PTX3: variants seen among roughly 807,000 people sequenced by gnomAD.
PTX3 encodes pentraxin-related protein PTX3.
Under a neutral mutation model 23.5 loss-of-function variants are expected in PTX3, and 24 were observed. The ratio of observed to expected loss-of-function variants is 1.02; its 90% confidence interval spans 0.74 to 1.43. The LOEUF (loss-of-function observed/expected upper bound fraction) is 1.43. Ranked by LOEUF, PTX3 falls within the 40% of genes most tolerant of loss-of-function variation. The probability of loss-of-function intolerance (pLI) is 0.00; values close to 1 mark genes in which losing one functional copy is unlikely to be tolerated. For synonymous variants in PTX3, 218 were observed against 205.4 expected (o/e 1.06, Z -0.53); for missense variants, 510 against 497.5 (o/e 1.02, Z -0.24).
intron 2 of PTX3, 108 bp downstream of exon 2, chr3:157,438,022 C>A (rs1175126912): frequency 2.9e-6 from 2 of 679,840 alleles, no homozygotes; most frequent in East Asian, 3.9e-5. Context: ...TCATGGGAAG[C>A]GCGCGCGCGC....
Position 157,437,929 on chromosome 3 carries a change from G to C in PTX3, c.532+15G>C. The C allele has an allele frequency of 6.5e-7, 1 of 1,528,610 alleles. No individual in the cohort carries two copies. Among genetic ancestry groups the C allele is most frequent in the Non-Finnish European group, 8.7e-7 (1 of 1,145,594 alleles). 94.7% of individuals were successfully genotyped at this position (1,528,610 alleles called of 1,614,324 possible). A position where few individuals can be genotyped will look rare whatever the true frequency, so the allele number is the denominator to read the frequency against. ...GCTGCCGGCAGGTAAGGAGGCAAGCGGGGCCGGGACCTCCCACTGCGGCTT... is the reference window on the plus strand; with the variant it reads ...GCTGCCGGCAGGTAAGGAGGCAAGCCGGGCCGGGACCTCCCACTGCGGCTT... On this transcript the variant is annotated intron_variant, in intron 2 of 2. Coordinates refer to ENST00000295927, the MANE Select transcript of PTX3 (RefSeq NM_002852.4).
Position 157,442,577 on chromosome 3 carries a change from G to T in PTX3, c.744G>T (p.Val248=). The T allele has an allele frequency of 6.2e-7, 1 of 1,614,198 alleles. No individual in the cohort carries two copies. Among genetic ancestry groups the T allele is most frequent in the Non-Finnish European group, 8.5e-7 (1 of 1,180,034 alleles). The change falls in exon 3 of 3, where the codon GTG becomes GTT. Residue 248 remains valine (V), a synonymous_variant. Transcript: ENST00000295927. ...LYLSYQSIVF[V]VGGEENKLVA... is the part of the protein sequence containing the mutation. Reference sequence around the variant, plus strand: ...TCAGCTACCAATCCATAGTGTTTGTGGTGGGTGGAGAGGAGAACAAACTGG... The same window carrying T: ...TCAGCTACCAATCCATAGTGTTTGTTGTGGGTGGAGAGGAGAACAAACTGG...
intron 2 of PTX3, 121 bp downstream of exon 2, chr3:157,438,035 G>GCTCACACA: frequency 1.4e-6 from 1 of 701,790 alleles, no homozygotes. Flanking sequence ...GCGCGCGCGC[G>GCTCACACA]CGCACACACA....
chr3:157,441,459 A>G (rs556588757), intron 2 of PTX3, among the ~76,000 whole-genome samples: 3 of 152,316 alleles, frequency 2.0e-5, no homozygotes, highest in Admixed American at 1.3e-4. Context: ...TTTCAAAGGT[A>G]GTTTTCTAAA....
intron 2 of PTX3, among the ~76,000 whole-genome samples, chr3:157,439,229 G>A (rs894088054): frequency 6.6e-6 from 1 of 152,132 alleles, no homozygotes; most frequent in Non-Finnish European, 1.5e-5. Flanking sequence ...TACATATAAT[G>A]CACCTGAAAA....
chr3:157,441,889 A>G (rs186190175), intron 2 of PTX3, among the ~76,000 whole-genome samples: 1 of 152,304 alleles, frequency 6.6e-6, no homozygotes, highest in East Asian at 1.9e-4. Flanking sequence ...TAAAGGCTAA[A>G]TGGAGCGAAC....
In PTX3 at chr3:157,437,079, C is replaced by G. The variant is rs1322706845; in HGVS notation, c.130+16C>G. On this transcript the variant is annotated intron_variant, in intron 1 of 2. Transcript: ENST00000295927. ...ACTGAGGACCGTAAGTTCACTTTAACTGTTTCTCTGCTAACCCTGACTACA... is the reference window on the plus strand; with the variant it reads ...ACTGAGGACCGTAAGTTCACTTTAAGTGTTTCTCTGCTAACCCTGACTACA... The G allele has an allele frequency of 6.2e-7, 1 of 1,612,488 alleles. No homozygotes were observed. The highest frequency in any genetic ancestry group is 1.7e-5 in the Admixed American group (1 of 59,990).
At chr3:157,438,058 C>G in intron 2 of PTX3, 144 bp downstream of exon 2, 1 of 755,070 alleles carries the variant, frequency 1.3e-6, no homozygotes, top group South Asian at 1.7e-5. Context: ...CACACACACA[C>G]ACACACACAC....
rs1025792048 is a variant in PTX3 at position 157,437,716 on chromosome 3, A to T, written c.334A>T (p.Arg112Trp). 2 of 1,530,490 alleles carry T rather than the reference A, an allele frequency of 1.3e-6. No individual in the cohort carries two copies. The highest frequency in any genetic ancestry group is 1.7e-6 in the Non-Finnish European group (2 of 1,144,048). The allele number at this position is 1,530,490 out of a possible 1,614,324, so 94.8% of individuals were successfully genotyped here. ...PCAPGAPAEA[R>W]LTSALDELLQ... ...CGCGCCGGGGGCTCCCGCAGAGGCCAGGCTGACCAGTGCTCTGGACGAGCT... is the reference window on the plus strand; with the variant it reads ...CGCGCCGGGGGCTCCCGCAGAGGCCTGGCTGACCAGTGCTCTGGACGAGCT... Residue 112 changes from arginine to tryptophan, a missense_variant, in exon 2 of 3, where the codon AGG becomes TGG. Physicochemically the swap from Arg to Trp is moderately radical, Grantham distance 101 (BLOSUM62 -3). Coordinates refer to ENST00000295927, the MANE Select transcript of PTX3 (RefSeq NM_002852.4).
At chr3:157,439,748 T>C (rs1438763327) in intron 2 of PTX3, among the ~76,000 whole-genome samples, 1 of 152,106 alleles carries the variant, frequency 6.6e-6, no homozygotes, top group African/African-American at 2.4e-5. Flanking sequence ...TCTTGAACAC[T>C]ACTTTTTTGT....
At position 157,442,664 on chromosome 3, in the gene PTX3, G is replaced by A; in HGVS notation, c.831G>A (p.Glu277=). The change falls in exon 3 of 3, where the codon GAG becomes GAA. Residue 277 remains glutamate (E), a synonymous_variant. Transcript: ENST00000295927. ...ACCTGTGCGGCACCTGGAATTCAGAGGAAGGGCTCACATCCTTGTGGGTAA... is the reference window on the plus strand; with the variant it reads ...ACCTGTGCGGCACCTGGAATTCAGAAGAAGGGCTCACATCCTTGTGGGTAA... ...WTHLCGTWNS[E]EGLTSLWVNG... is the part of the protein sequence containing the mutation. The A allele has an allele frequency of 6.2e-7, 1 of 1,614,226 alleles. No homozygotes were observed. The highest frequency in any genetic ancestry group is 1.3e-5 in the African/African-American group (1 of 75,046).
rs1163414472 is a variant in PTX3 at position 157,438,035 on chromosome 3, GCGCA to G, written c.532+123_532+126del. 2.7e-4 allele frequency: 189 copies of G among 701,522 alleles called. No individual in the cohort carries two copies. In the East Asian group the frequency reaches 2.7e-3, roughly 10 times the overall value. 43.5% of individuals were successfully genotyped at this position (701,522 alleles called of 1,614,324 possible). A position where few individuals can be genotyped will look rare whatever the true frequency, so the allele number is the denominator to read the frequency against. On this transcript the variant is annotated intron_variant, in intron 2 of 2. Transcript: ENST00000295927. ...TTTCATGGGAAGCGCGCGCGCGCGCGCGCACACACACACACACACACACACACAC... is the reference window on the plus strand; with the variant it reads ...TTTCATGGGAAGCGCGCGCGCGCGCGCACACACACACACACACACACACAC...
Position 157,436,919 on chromosome 3 carries a change from T to C in PTX3, c.-15T>C, listed in dbSNP as rs759359298. The C allele has an allele frequency of 1.2e-6, 2 of 1,611,054 alleles. No individual in the cohort carries two copies. Among genetic ancestry groups the C allele is most frequent in the Non-Finnish European group, 1.7e-6 (2 of 1,178,146 alleles). The stretch of plus-strand genomic sequence containing the variant: ...CTCCCGCCAGCTGTGGAAAGAACTT[T>C]GCGTCTCTCCAGCAATGCATCTCCT... On this transcript the variant is annotated 5_prime_UTR_variant, in exon 1 of 3. Transcript: ENST00000295927.
rs557157780 is a variant in PTX3 at position 157,443,108 on chromosome 3, A to G, written c.*129A>G. 2.2e-5 allele frequency: 25 copies of G among 1,129,190 alleles called. No homozygotes were observed. Among genetic ancestry groups the G allele is most frequent in the Non-Finnish European group, 3.0e-5 (24 of 811,104 alleles). 69.9% of individuals were successfully genotyped at this position (1,129,190 alleles called of 1,614,324 possible). On this transcript the variant is annotated 3_prime_UTR_variant, in exon 3 of 3. Transcript: ENST00000295927. ...CTAATGAAAGAGAGAGTTGAGACCA[A>G]TCTTTATTTGTACTGGCCAAATACT...
chr3:157,440,257 G>A (rs943371114), intron 2 of PTX3, among the ~76,000 whole-genome samples: 3 of 152,184 alleles, frequency 2.0e-5, no homozygotes, highest in Non-Finnish European at 4.4e-5. Flanking sequence ...GCATGACAGA[G>A]CCAGTTTTGT....
At chr3:157,439,920 T>G (rs914431915) in intron 2 of PTX3, among the ~76,000 whole-genome samples, 10 of 152,122 alleles carry the variant, frequency 6.6e-5, no homozygotes, top group Non-Finnish European at 1.3e-4. Flanking sequence ...CCAGCTAATT[T>G]TTTGCATTTT....
chr3:157,440,580 A>G (rs188700585), intron 2 of PTX3, among the ~76,000 whole-genome samples: 4 of 152,324 alleles, frequency 2.6e-5, no homozygotes, highest in Non-Finnish European at 4.4e-5. Context: ...ATACCTACAT[A>G]CACATACACA....
chr3:157,442,279 A>G, intron 2 of PTX3, 87 bp from the exon 3 acceptor site: 1 of 1,233,114 alleles, frequency 8.1e-7, no homozygotes, highest in Non-Finnish European at 1.1e-6. Context: ...AATAATTAAA[A>G]TTCTTATGTT....
chr3:157,438,648 T>G (rs1733871605), intron 2 of PTX3, among the ~76,000 whole-genome samples: 1 of 152,012 alleles, frequency 6.6e-6, no homozygotes, highest in Non-Finnish European at 1.5e-5. Context: ...TTCAGAGAAT[T>G]GGGGCCAAGC....
Sources: allele counts gnomAD v4.1 joint callset (sites outside exome capture counted in the v4.1 genomes callset), GRCh38; gene constraint gnomAD v4.1.1; transcripts MANE v1.5; gene names NCBI Gene and HGNC (gene_info 2026-07-23, HGNC 2026-07-21).